Variants in TSHZ2 observed in about 807,000 individuals in gnomAD.
TSHZ2 encodes the protein teashirt homolog 2.
In TSHZ2, 21 loss-of-function variants were observed where a neutral mutation model predicts 74.4. The ratio of observed to expected loss-of-function variants is 0.28; its 90% CI spans 0.20 to 0.41. The LOEUF is 0.41. Among genes scored for constraint, TSHZ2 ranks in the 10% least tolerant of loss-of-function variants. TSHZ2 has a pLI of 1.00. For synonymous variants in TSHZ2, 540 were observed against 515.3 expected, an observed-to-expected ratio of 1.05 and a Z score of -0.65; for missense variants, 1,244 against 1,293.5, an observed-to-expected ratio of 0.96 and a Z score of 0.59.
chr20:53,196,760 AT>A lies in TSHZ2; in HGVS notation c.41-56736del, dbSNP rs551151490. 3.4e-3 allele frequency among the ~76,000 whole-genome samples: 515 copies of A among 152,332 alleles called. 1 individual carries two copies. Among genetic ancestry groups the A allele is most frequent in the Non-Finnish European group, 6.0e-3 (407 of 68,034 alleles). ...TAGCATCCTGCCTAGAATTCCAGGT[AT>A]TTCTAAGGTATTCAACTCTGAGTGG... On this transcript the variant is annotated intron_variant, in intron 1 of 2. Coordinates refer to ENST00000371497, the MANE Select transcript of TSHZ2 (RefSeq NM_173485.6).
intron 1 of TSHZ2, among the ~76,000 whole-genome samples, chr20:53,073,354 A>G (rs985877987): frequency 7.0e-6 from 1 of 142,640 alleles, no homozygotes; most frequent in Non-Finnish European, 1.5e-5. Context: ...CCATTCCTTC[A>G]TCTGTCCCTC....
At chr20:53,469,979 A>C (rs964472288) in intron 2 of TSHZ2, among the ~76,000 whole-genome samples, 1 of 152,196 alleles carries the variant, frequency 6.6e-6, no homozygotes, top group African/African-American at 2.4e-5. Flanking sequence ...TATAACTGTT[A>C]AAATGTTTTC....
chr20:53,373,840 C>T (rs10485447), intron 2 of TSHZ2, among the ~76,000 whole-genome samples: 34,098 of 152,052 alleles, frequency 0.22, 4,173 homozygotes, highest in South Asian at 0.38. Context: ...TCCTAGACCA[C>T]TGATTACCAT....
chr20:53,426,374 C>A (rs941093243), intron 2 of TSHZ2, among the ~76,000 whole-genome samples: 1 of 152,054 alleles, frequency 6.6e-6, no homozygotes, highest in Non-Finnish European at 1.5e-5. Flanking sequence ...CTGGGGGAGA[C>A]CCTTGGCTCA....
At chr20:53,206,017 G>A (rs147323704) in intron 1 of TSHZ2, among the ~76,000 whole-genome samples, 10,976 of 152,126 alleles carry the variant, frequency 0.072, 853 homozygotes, top group East Asian at 0.31. Context: ...TCAGGAGTTT[G>A]AGACCAGCCT....
At chr20:53,137,935 A>T (rs898246060) in intron 1 of TSHZ2, among the ~76,000 whole-genome samples, 3 of 152,154 alleles carry the variant, frequency 2.0e-5, no homozygotes, top group Non-Finnish European at 4.4e-5. Flanking sequence ...AATCTAATAA[A>T]GTGTATTTTT....
At chr20:53,401,310 A>G (rs1382189383) in intron 2 of TSHZ2, 1 of 152,260 alleles carries the variant, frequency 6.6e-6, no homozygotes, top group African/African-American at 2.4e-5. Flanking sequence ...TAGGCTGCAC[A>G]TAGGACAGTG....
intron 2 of TSHZ2, among the ~76,000 whole-genome samples, chr20:53,305,025 T>A (rs1440087167): frequency 6.6e-6 from 1 of 151,430 alleles, no homozygotes; most frequent in Non-Finnish European, 1.5e-5. Context: ...AAGCTCCGCC[T>A]CCCAGGTTCA....
intron 1 of TSHZ2, among the ~76,000 whole-genome samples, chr20:53,161,734 G>A (rs1987945952): frequency 6.6e-6 from 1 of 152,136 alleles, no homozygotes; most frequent in African/African-American, 2.4e-5. Flanking sequence ...CTCCCACCAG[G>A]TACCTGCCTC....
At chr20:53,096,815 G>A (rs1019386166) in intron 1 of TSHZ2, among the ~76,000 whole-genome samples, 12 of 151,932 alleles carry the variant, frequency 7.9e-5, no homozygotes, top group African/African-American at 2.9e-4. Context: ...TCGGGAGGCA[G>A]AGGTAGCAGT....
intron 2 of TSHZ2, among the ~76,000 whole-genome samples, chr20:53,460,265 CT>C (rs975606513): frequency 1.3e-5 from 2 of 151,986 alleles, no homozygotes; most frequent in Non-Finnish European, 2.9e-5. Context: ...TCTTTTTATT[CT>C]TTTTTCTCTA....
chr20:53,139,454 T>TA (rs1306286884), intron 1 of TSHZ2, among the ~76,000 whole-genome samples: 1 of 152,214 alleles, frequency 6.6e-6, no homozygotes, highest in Non-Finnish European at 1.5e-5. Flanking sequence ...GCCCTTTCTT[T>TA]AAAAAGTATT....
chr20:53,092,312 A>C (rs1227861107), intron 1 of TSHZ2, among the ~76,000 whole-genome samples: 3 of 152,122 alleles, frequency 2.0e-5, no homozygotes, highest in Non-Finnish European at 4.4e-5. Context: ...TCAAGTGTCG[A>C]CTGAAGCTTC....
chr20:53,460,316 A>G (rs1985304135), intron 2 of TSHZ2, among the ~76,000 whole-genome samples: 1 of 152,012 alleles, frequency 6.6e-6, no homozygotes, highest in African/African-American at 2.4e-5. Context: ...CATCGCTGAT[A>G]CCCTTTCTTC....
At chr20:53,139,908 C>A (rs149871231) in intron 1 of TSHZ2, among the ~76,000 whole-genome samples, 2 of 152,168 alleles carry the variant, frequency 1.3e-5, no homozygotes, top group East Asian at 3.9e-4. Context: ...TTTAGGACTT[C>A]GCTACAGAAC....
In TSHZ2 at chr20:53,038,157, A is replaced by C. The variant is rs1276887382; in HGVS notation, c.40+64824A>C. ...CAGTGAGCTGAGATCGCACCACTGC[A>C]CTCCAGCCTGGGCGACAAGAGCGGG... is the stretch of plus-strand genomic sequence containing the variant. On this transcript the variant is annotated intron_variant, in intron 1 of 2. Transcript: ENST00000371497. Among the ~76,000 whole-genome samples, 5 of 133,308 alleles carry C rather than the reference A, an allele frequency of 3.8e-5. No individual in the cohort carries two copies. In the East Asian group the frequency reaches 1.2e-3, roughly 31 times the overall value. The allele number at this position is 133,308 out of a possible 152,430, so 87.5% of individuals were successfully genotyped here. A position where few individuals can be genotyped will look rare whatever the true frequency, so the allele number is the denominator to read the frequency against.
chr20:53,452,997 C>A (rs1371830059), intron 2 of TSHZ2: 1 of 152,114 alleles, frequency 6.6e-6, no homozygotes. Context: ...AATGCCAGGC[C>A]TTCAGGGGTT....
chr20:53,366,964 C>T (rs575921368), intron 2 of TSHZ2, among the ~76,000 whole-genome samples: 31 of 152,320 alleles, frequency 2.0e-4, no homozygotes, highest in Admixed American at 6.5e-4. Flanking sequence ...GCGACTTAAT[C>T]GAGGGCATTG....
chr20:53,169,259 G>C (rs1568792560), intron 1 of TSHZ2, among the ~76,000 whole-genome samples: 2 of 152,132 alleles, frequency 1.3e-5, no homozygotes, highest in African/African-American at 4.8e-5. Flanking sequence ...AACAAAAACT[G>C]TATTGTCAGC....
Sources: allele counts gnomAD v4.1 joint callset (sites outside exome capture counted in the v4.1 genomes callset), GRCh38; gene constraint gnomAD v4.1.1; transcripts MANE v1.5; gene names NCBI Gene and HGNC (gene_info 2026-07-23, HGNC 2026-07-21).